Variants in MAPK10 observed in about 807,000 individuals in gnomAD.
The protein encoded by MAPK10 is JNK3 alpha protein kinase.
Under a neutral mutation model 59.3 loss-of-function variants are expected in MAPK10, and 25 were observed. The observed-to-expected ratio is 0.42, with a 90% confidence interval of 0.31 to 0.59. MAPK10 has a LOEUF of 0.59. MAPK10 is among the 20% of genes least tolerant of loss of function. The pLI is 0.15. For missense variants in MAPK10, 351 were observed against 568.9 expected, an observed-to-expected ratio of 0.62 and a Z score of 3.90; for synonymous variants, 190 against 200.5, an observed-to-expected ratio of 0.95 and a Z score of 0.44.
chr4:86,489,010 A>C (rs1754251307), intron 1 of MAPK10, among the ~76,000 whole-genome samples: 1 of 152,138 alleles, frequency 6.6e-6, no homozygotes, highest in Non-Finnish European at 1.5e-5. Context: ...GAAACTTGAA[A>C]CCAGCACTTT....
chr4:86,260,667 T>C (rs886317768), intron 2 of MAPK10, among the ~76,000 whole-genome samples: 2 of 152,134 alleles, frequency 1.3e-5, no homozygotes, highest in African/African-American at 4.8e-5. Flanking sequence ...ACTCTTCATA[T>C]ATCTTTCTTA....
intron 1 of MAPK10, among the ~76,000 whole-genome samples, chr4:86,404,647 A>T (rs1462212867): frequency 1.3e-5 from 2 of 152,182 alleles, no homozygotes; most frequent in Non-Finnish European, 2.9e-5. Context: ...CCCTTTTGAA[A>T]ATAAGAAAAG....
chr4:86,528,265 T>C (rs1414223110), intron 1 of MAPK10, among the ~76,000 whole-genome samples: 2 of 152,182 alleles, frequency 1.3e-5, no homozygotes, highest in Non-Finnish European at 2.9e-5. Flanking sequence ...CTTGCATATG[T>C]TCATCAATGC....
intron 1 of MAPK10, among the ~76,000 whole-genome samples, chr4:86,449,681 T>A (rs745499591): frequency 3.3e-5 from 5 of 152,234 alleles, no homozygotes; most frequent in Non-Finnish European, 7.3e-5. Context: ...TTTTAGCCAA[T>A]AGAATGTGGC....
At chr4:86,361,216 T>C (rs1444495059), upstream of MAPK10, among the ~76,000 whole-genome samples, 3 of 152,210 alleles carry the variant, frequency 2.0e-5, no homozygotes, top group Non-Finnish European at 4.4e-5. Flanking sequence ...GTTTTTGTTG[T>C]CTTTGTTGTT....
intron 1 of MAPK10, among the ~76,000 whole-genome samples, chr4:86,498,261 C>T (rs1350129638): frequency 2.6e-5 from 4 of 152,304 alleles, no homozygotes; most frequent in African/African-American, 9.6e-5. Context: ...GGCAGGCAAC[C>T]AGAAAAATGG....
At chr4:86,427,560 A>G (rs930989854) in intron 1 of MAPK10, among the ~76,000 whole-genome samples, 7 of 152,170 alleles carry the variant, frequency 4.6e-5, no homozygotes, top group African/African-American at 1.7e-4. Flanking sequence ...CAGGTGCCCA[A>G]TGAATGTTTA....
At chr4:86,445,633 A>AG (rs879388624) in intron 1 of MAPK10, among the ~76,000 whole-genome samples, 2 of 152,164 alleles carry the variant, frequency 1.3e-5, no homozygotes, top group African/African-American at 4.8e-5. Context: ...AAGAAGCCAG[A>AG]GGGAAAAAAC....
chr4:86,074,303 G>C (rs893667359), intron 9 of MAPK10, among the ~76,000 whole-genome samples: 1 of 146,942 alleles, frequency 6.8e-6, no homozygotes, highest in Non-Finnish European at 1.5e-5. Context: ...ACGTGAGATG[G>C]GTTTCCTGAA....
At chr4:86,110,889 G>A (rs765541058) in intron 4 of MAPK10, among the ~76,000 whole-genome samples, 1 of 151,976 alleles carries the variant, frequency 6.6e-6, no homozygotes, top group African/African-American at 2.4e-5. Flanking sequence ...TCATTTGTTT[G>A]TGTCCTGATT....
chr4:86,398,494 T>C (rs1743265233), intron 1 of MAPK10, among the ~76,000 whole-genome samples: 1 of 152,202 alleles, frequency 6.6e-6, no homozygotes, highest in South Asian at 2.1e-4. Context: ...ATATTATGTC[T>C]GCAGAGTCCA....
intron 2 of MAPK10, among the ~76,000 whole-genome samples, chr4:86,302,015 A>G (rs1225780266): frequency 6.7e-6 from 1 of 149,064 alleles, no homozygotes; most frequent in Non-Finnish European, 1.5e-5. Flanking sequence ...CAATCAATAT[A>G]TGAACATTTT....
At chr4:86,374,129 C>T (rs1450916351) in intron 1 of MAPK10, among the ~76,000 whole-genome samples, 1 of 152,054 alleles carries the variant, frequency 6.6e-6, no homozygotes, top group African/African-American at 2.4e-5. Context: ...AAGCTGGAAA[C>T]CATCATTCTC....
At chr4:86,273,366 C>T (rs1035288631) in intron 2 of MAPK10, among the ~76,000 whole-genome samples, 6 of 151,984 alleles carry the variant, frequency 3.9e-5, no homozygotes. Flanking sequence ...CCCTCCTTCT[C>T]TAAAATCCTA....
intron 1 of MAPK10, among the ~76,000 whole-genome samples, chr4:86,496,139 A>G (rs751639532): frequency 6.6e-6 from 1 of 152,212 alleles, no homozygotes; most frequent in Non-Finnish European, 1.5e-5. Context: ...AACAACTTCA[A>G]ATTAACCCAA....
At chr4:86,489,547 A>C (rs1304286618) in intron 1 of MAPK10, among the ~76,000 whole-genome samples, 5 of 152,238 alleles carry the variant, frequency 3.3e-5, no homozygotes, top group African/African-American at 9.6e-5. Flanking sequence ...CCCCAAAATA[A>C]GCCTCCTCAC....
At chr4:86,337,405 T>G (rs995243627) in intron 2 of MAPK10, among the ~76,000 whole-genome samples, 1 of 152,182 alleles carries the variant, frequency 6.6e-6, no homozygotes, top group African/African-American at 2.4e-5. Context: ...CCCCAGAAAT[T>G]ACTCTATATC....
chr4:86,480,318 AC>A (rs201555001), intron 1 of MAPK10, among the ~76,000 whole-genome samples: 34,613 of 148,406 alleles, frequency 0.23, 4,738 homozygotes, highest in Admixed American at 0.32. Flanking sequence ...GCACCCTGTG[AC>A]CCCCCCACTC....
rs1001505734 is a variant in MAPK10 at position 86,014,973 on chromosome 4, A to T, written c.*2255T>A. 6.6e-6 allele frequency: 1 copy of T among 151,382 alleles called. No homozygotes were observed. The highest frequency in any genetic ancestry group is 1.5e-5 in the Non-Finnish European group (1 of 67,912). 9.4% of individuals were successfully genotyped at this position (151,382 alleles called of 1,614,324 possible). A position where few individuals can be genotyped will look rare whatever the true frequency, so the allele number is the denominator to read the frequency against. ...GAGAAAAGTACCGAGAAAGAAAATCAGTAAAGAATTAGAGATACAGAGAGG... is the reference window on the plus strand; with the variant it reads ...GAGAAAAGTACCGAGAAAGAAAATCTGTAAAGAATTAGAGATACAGAGAGG... On this transcript the variant is annotated 3_prime_UTR_variant, in exon 14 of 14. Transcript: ENST00000641462.
Sources: allele counts gnomAD v4.1 joint callset (sites outside exome capture counted in the v4.1 genomes callset), GRCh38; gene constraint gnomAD v4.1.1; transcripts MANE v1.5; gene names NCBI Gene and HGNC (gene_info 2026-07-23, HGNC 2026-07-21).